The following DMXL2 variants were observed in gnomAD, a reference collection of about 807,000 sequenced individuals.
DMXL2 encodes Dmx like 2, also known as dmX-like protein 2.
DMXL2 carries 103 observed loss-of-function variants against 331.1 expected under a neutral mutation model. That is an observed-to-expected ratio of 0.31 (90% CI 0.27 to 0.37). The LOEUF (loss-of-function observed/expected upper bound fraction) is 0.37, where lower values mean the gene tolerates loss of function less well. Among genes scored for constraint, DMXL2 ranks in the 10% least tolerant of loss-of-function variants. The pLI is 1.00. For missense variants in DMXL2, 3,171 were observed against 3,642.9 expected (o/e 0.87, Z 3.33); for synonymous variants, 1,281 against 1,252.1 (o/e 1.02, Z -0.49).
chr15:51,601,581 A>C (rs372485681), intron 1 of DMXL2, among the ~76,000 whole-genome samples: 1 of 152,174 alleles, frequency 6.6e-6, no homozygotes, highest in East Asian at 1.9e-4. Flanking sequence ...AACATCAACA[A>C]ATGTGTGGGT....
Position 51,448,762 on chromosome 15 carries a change from T to C in DMXL2, c.*222A>G. The C allele has an allele frequency of 1.8e-6, 1 of 553,116 alleles. No individual in the cohort carries two copies. The highest frequency in any genetic ancestry group is 3.2e-6 in the Non-Finnish European group (1 of 311,832). The allele number at this position is 553,116 out of a possible 1,614,324, so 34.3% of individuals were successfully genotyped here. A position where few individuals can be genotyped will look rare whatever the true frequency, so the allele number is the denominator to read the frequency against. On this transcript the variant is annotated 3_prime_UTR_variant, in exon 44 of 44. Transcript: ENST00000560891. ...TAAATGCTGTAAAGAATAGCTATCC[T>C]TCATACAATACTAGGTTTTATTTTT...
At chr15:51,612,298 GA>G (rs2054023885) in intron 1 of DMXL2, among the ~76,000 whole-genome samples, 6 of 152,152 alleles carry the variant, frequency 3.9e-5, no homozygotes, top group Admixed American at 3.9e-4. Flanking sequence ...CTGCCAGGAA[GA>G]ATGGCTATAG....
chr15:51,586,338 T>C (rs996995877), intron 1 of DMXL2, among the ~76,000 whole-genome samples: 11 of 152,048 alleles, frequency 7.2e-5, no homozygotes, highest in Non-Finnish European at 1.3e-4. Flanking sequence ...GTGGGTGCTA[T>C]GTCGAGGGAA....
At chr15:51,554,449 AG>A (rs1279598223) in intron 6 of DMXL2, among the ~76,000 whole-genome samples, 1 of 152,246 alleles carries the variant, frequency 6.6e-6, no homozygotes, top group Non-Finnish European at 1.5e-5. Context: ...AAAATTAAAA[AG>A]GAAAAAAAGA....
chr15:51,587,423 G>GT (rs1163713092), intron 1 of DMXL2, among the ~76,000 whole-genome samples: 2 of 152,156 alleles, frequency 1.3e-5, no homozygotes, highest in South Asian at 2.1e-4. Context: ...GCAGTGTTTG[G>GT]TTTTTTGTCC....
intron 1 of DMXL2, among the ~76,000 whole-genome samples, chr15:51,615,272 A>G (rs984476617): frequency 2.0e-5 from 3 of 152,180 alleles, no homozygotes; most frequent in African/African-American, 7.2e-5. Context: ...ATGGTAGGAG[A>G]AAACTAAGAA....
rs1456210954 is a variant in DMXL2 at position 51,494,252 on chromosome 15, T to C, written c.4783+772A>G. Among the ~76,000 whole-genome samples, 3 of 152,172 alleles carry C rather than the reference T, an allele frequency of 2.0e-5. No homozygotes were observed. The East Asian group carries it at 5.8e-4, about 29-fold the overall frequency. On this transcript the variant is annotated intron_variant, in intron 19 of 43. Coordinates refer to ENST00000560891, the MANE Select transcript of DMXL2 (RefSeq NM_001378457.1). ...TCTCAGATAGCTATTTATAGTTATG[T>C]TTTCAAAGAACATTCATAGGTTAAA... is the stretch of plus-strand genomic sequence containing the variant.
chr15:51,616,507 T>C (rs1428398151), intron 1 of DMXL2, among the ~76,000 whole-genome samples: 2 of 152,202 alleles, frequency 1.3e-5, no homozygotes, highest in African/African-American at 4.8e-5. Flanking sequence ...GATGTACTTG[T>C]CCCTCAATAC....
At chr15:51,514,357 CT>C (rs1405064803) in intron 15 of DMXL2, 84 bp downstream of exon 15, 10 of 771,776 alleles carry the variant, frequency 1.3e-5, no homozygotes, top group Non-Finnish European at 2.0e-5. Flanking sequence ...AGAGTGGTAA[CT>C]TTTGAAGATC....
intron 9 of DMXL2, among the ~76,000 whole-genome samples, chr15:51,540,912 A>G (rs1439235208): frequency 6.6e-6 from 1 of 152,182 alleles, no homozygotes; most frequent in Non-Finnish European, 1.5e-5. Context: ...ATGTGACAGA[A>G]TGCTCATCCT....
At chr15:51,481,768 A>G (rs1767616495) in intron 23 of DMXL2, 145 bp from the exon 24 acceptor site, 1 of 730,528 alleles carries the variant, frequency 1.4e-6, no homozygotes, top group Non-Finnish European at 2.1e-6. Flanking sequence ...ATATACAATC[A>G]TTACAACTGT....
At chr15:51,603,108 T>C (rs1043774526) in intron 1 of DMXL2, among the ~76,000 whole-genome samples, 9 of 151,844 alleles carry the variant, frequency 5.9e-5, no homozygotes, top group African/African-American at 1.7e-4. Context: ...CCAAATCACA[T>C]AGAAGGCAGG....
At chr15:51,455,308 A>G in intron 39 of DMXL2, 80 bp from the exon 40 acceptor site, 1 of 1,138,822 alleles carries the variant, frequency 8.8e-7, no homozygotes, top group Non-Finnish European at 1.3e-6. Context: ...AGATTCACTA[A>G]GGCCCTACTA....
chr15:51,588,532 G>T (rs2052036590), intron 1 of DMXL2, among the ~76,000 whole-genome samples: 1 of 152,056 alleles, frequency 6.6e-6, no homozygotes, highest in Non-Finnish European at 1.5e-5. Context: ...AAGTTTTAAA[G>T]TTAATTGTAT....
At chr15:51,621,880 A>G (rs2054653073) in intron 1 of DMXL2, among the ~76,000 whole-genome samples, 1 of 152,106 alleles carries the variant, frequency 6.6e-6, no homozygotes, top group African/African-American at 2.4e-5. Flanking sequence ...GGCGCGGAGG[A>G]TGAATTTTTC....
At chr15:51,600,355 G>A (rs536728994) in intron 1 of DMXL2, among the ~76,000 whole-genome samples, 2 of 152,216 alleles carry the variant, frequency 1.3e-5, no homozygotes, top group South Asian at 4.2e-4. Context: ...ATGCCTCAGT[G>A]ACCACCTCTT....
At chr15:51,484,308 C>T (rs1316512132) in intron 23 of DMXL2, among the ~76,000 whole-genome samples, 4 of 152,342 alleles carry the variant, frequency 2.6e-5, no homozygotes, top group East Asian at 1.9e-4. Flanking sequence ...CCAATCCCAG[C>T]CAACCAGACC....
chr15:51,539,930 A>G (rs578192949), intron 9 of DMXL2, among the ~76,000 whole-genome samples: 1 of 152,358 alleles, frequency 6.6e-6, no homozygotes, highest in Non-Finnish European at 1.5e-5. Context: ...CATTCTGGTA[A>G]TGTTCTATTA....
At chr15:51,586,004 G>A (rs908704173) in intron 1 of DMXL2, among the ~76,000 whole-genome samples, 4 of 152,184 alleles carry the variant, frequency 2.6e-5, no homozygotes, top group Admixed American at 1.3e-4. Context: ...AAGCAGGGAA[G>A]GGGTAGCATT....
Sources: allele counts gnomAD v4.1 joint callset (sites outside exome capture counted in the v4.1 genomes callset), GRCh38; gene constraint gnomAD v4.1.1; transcripts MANE v1.5; gene names NCBI Gene and HGNC (gene_info 2026-07-23, HGNC 2026-07-21).